The following KCNMA1 variants were observed in gnomAD, a reference collection of about 807,000 sequenced individuals.
KCNMA1 encodes the protein Calcium-activated potassium channel subunit alpha-1.
KCNMA1 carries 29 observed loss-of-function variants against 140.0 expected under a neutral mutation model. The observed-to-expected ratio is 0.21, with a 90% CI of 0.15 to 0.28. The LOEUF (loss-of-function observed/expected upper bound fraction) is 0.28, where lower values mean the gene tolerates loss of function less well. KCNMA1 is among the 10% of genes least tolerant of loss of function. The probability of loss-of-function intolerance (pLI) is 1.00; values close to 1 mark genes in which losing one functional copy is unlikely to be tolerated. For synonymous variants in KCNMA1, 612 were observed against 611.9 expected (o/e 1.00, Z 0.00); for missense variants, 880 against 1,602.2 (o/e 0.55, Z 7.70).
intron 6 of KCNMA1, among the ~76,000 whole-genome samples, chr10:77,115,014 C>T (rs533205088): frequency 6.6e-6 from 1 of 152,194 alleles, no homozygotes; most frequent in Non-Finnish European, 1.5e-5. Context: ...ACAGTTCTTT[C>T]CCAGTGCTCA....
intron 1 of KCNMA1, among the ~76,000 whole-genome samples, chr10:77,630,903 C>T (rs1397679789): frequency 1.3e-5 from 2 of 151,740 alleles, no homozygotes; most frequent in Non-Finnish European, 2.9e-5. Flanking sequence ...CCCAGGAGTT[C>T]AAGACAAGCC....
At chr10:77,236,543 C>T (rs1375380127) in intron 3 of KCNMA1, among the ~76,000 whole-genome samples, 2 of 152,172 alleles carry the variant, frequency 1.3e-5, no homozygotes, top group African/African-American at 4.8e-5. Context: ...CCTTAAAGTT[C>T]CCTGGATTAC....
intron 22 of KCNMA1, among the ~76,000 whole-genome samples, chr10:76,947,520 C>G (rs188360414): frequency 3.3e-5 from 5 of 152,276 alleles, no homozygotes; most frequent in Admixed American, 2.6e-4. Context: ...AAGACACTTT[C>G]AGAGGTCAGG....
intron 3 of KCNMA1, among the ~76,000 whole-genome samples, chr10:77,210,288 AT>A (rs773460032): frequency 7.9e-5 from 12 of 152,306 alleles, no homozygotes; most frequent in Admixed American, 1.3e-4. Context: ...TGCGATTAGC[AT>A]TATAAACAGA....
chr10:77,613,975 C>T (rs935689093), intron 1 of KCNMA1, among the ~76,000 whole-genome samples: 7 of 152,178 alleles, frequency 4.6e-5, no homozygotes, highest in Admixed American at 6.5e-5. Context: ...CTTCAGGAGC[C>T]CTGTGACAAG....
At chr10:77,624,297 A>G (rs2092116204) in intron 1 of KCNMA1, among the ~76,000 whole-genome samples, 1 of 152,230 alleles carries the variant, frequency 6.6e-6, no homozygotes, top group Admixed American at 6.5e-5. Context: ...CTATAATCTA[A>G]GATGTTCTGA....
At chr10:77,183,581 G>T in intron 4 of KCNMA1, 49 bp from the exon 5 acceptor site, 1 of 1,280,078 alleles carries the variant, frequency 7.8e-7, no homozygotes, top group Non-Finnish European at 1.1e-6. Context: ...GAAGCATGGT[G>T]CTGGCATCCA....
At chr10:77,173,475 A>G (rs1372301341) in intron 5 of KCNMA1, among the ~76,000 whole-genome samples, 3 of 152,164 alleles carry the variant, frequency 2.0e-5, no homozygotes, top group Non-Finnish European at 4.4e-5. Context: ...CACTTGAGAC[A>G]ATTATATACT....
intron 1 of KCNMA1, among the ~76,000 whole-genome samples, chr10:77,441,703 T>A (rs529478486): frequency 2.6e-4 from 40 of 152,280 alleles, no homozygotes; most frequent in South Asian, 1.0e-3. Context: ...TCTTCCCTCC[T>A]GTTAACCACT....
intron 2 of KCNMA1, among the ~76,000 whole-genome samples, chr10:77,364,826 T>A (rs1393373953): frequency 6.6e-6 from 1 of 152,138 alleles, no homozygotes; most frequent in Non-Finnish European, 1.5e-5. Context: ...ACTTAGGCAA[T>A]GAGATGAAAT....
intron 24 of KCNMA1, chr10:76,911,860 T>C (rs2050429556): frequency 1.3e-5 from 2 of 152,226 alleles, no homozygotes; most frequent in African/African-American, 4.8e-5. Flanking sequence ...AGACCACATA[T>C]GGAAGAATGC....
chr10:77,485,444 C>T (rs962949005), intron 1 of KCNMA1, among the ~76,000 whole-genome samples: 4 of 152,194 alleles, frequency 2.6e-5, no homozygotes, highest in African/African-American at 7.2e-5. Flanking sequence ...GCTGACCGAG[C>T]GTGTCTGAAG....
At chr10:76,916,227 A>G (rs1410610503) in intron 23 of KCNMA1, among the ~76,000 whole-genome samples, 4 of 152,152 alleles carry the variant, frequency 2.6e-5, no homozygotes. Flanking sequence ...CACAGACCAC[A>G]TAAGGTATAT....
chr10:77,517,100 G>T (rs2050816582), intron 1 of KCNMA1, among the ~76,000 whole-genome samples: 1 of 152,142 alleles, frequency 6.6e-6, no homozygotes. Context: ...GGTGAAAAAG[G>T]TGCTGGTGCT....
chr10:77,506,823 A>AAG (rs147091712), intron 1 of KCNMA1, among the ~76,000 whole-genome samples: 20,190 of 88,070 alleles, frequency 0.23, 1,983 homozygotes, highest in Non-Finnish European at 0.26. Flanking sequence ...GAGAGAGAGA[A>AAG]AGAGAGAGAG....
At chr10:77,074,734 C>T in intron 13 of KCNMA1, among the ~76,000 whole-genome samples, 1 of 152,208 alleles carries the variant, frequency 6.6e-6, no homozygotes, top group Non-Finnish European at 1.5e-5. Context: ...GGTCTTTGTC[C>T]CTAAGACTCA....
Position 77,372,923 on chromosome 10 carries a change from G to A in KCNMA1, c.540+30939C>T, listed in dbSNP as rs1288980976. On this transcript the variant is annotated intron_variant, in intron 2 of 27. Transcript: ENST00000286628. Reference sequence around the variant, plus strand: ...GAGCAATGTTTAACAGCCTGCCCAAGAAATATTTAATTACCTAGAGGAAAG... The same window carrying A: ...GAGCAATGTTTAACAGCCTGCCCAAAAAATATTTAATTACCTAGAGGAAAG... 2.6e-5 allele frequency: 4 copies of A among 152,194 alleles called. No homozygotes were observed. In the South Asian group the frequency reaches 6.2e-4, roughly 24 times the overall value. 9.4% of individuals were successfully genotyped at this position (152,194 alleles called of 1,614,324 possible). A position where few individuals can be genotyped will look rare whatever the true frequency, so the allele number is the denominator to read the frequency against.
intron 19 of KCNMA1, among the ~76,000 whole-genome samples, chr10:76,977,331 G>C (rs959270294): frequency 1.3e-5 from 2 of 152,116 alleles, no homozygotes; most frequent in African/African-American, 4.8e-5. Flanking sequence ...ACATTTTTAA[G>C]TCATTGGGGA....
chr10:76,909,922 C>A, intron 25 of KCNMA1, 44 bp downstream of exon 25: 1 of 1,603,908 alleles, frequency 6.2e-7, no homozygotes, highest in Non-Finnish European at 8.5e-7. Context: ...TCTATTGGCA[C>A]ATCCTCCACC....
Sources: gnomAD v4.1 joint callset for allele counts (sites outside exome capture counted in the v4.1 genomes callset) on GRCh38, gnomAD v4.1.1 for gene constraint, MANE v1.5 for transcripts, NCBI Gene and HGNC (gene_info 2026-07-23, HGNC 2026-07-21) for gene names.